The following FCHSD2 variants were observed in gnomAD, a reference collection of about 807,000 sequenced individuals.
The protein encoded by FCHSD2 is F-BAR and double SH3 domains protein 2.
FCHSD2 carries 38 observed loss-of-function variants against 108.1 expected under a neutral mutation model. That is an observed-to-expected ratio of 0.35 (90% CI 0.27 to 0.46). FCHSD2 has a LOEUF of 0.46. Ranked by LOEUF, FCHSD2 falls within the 20% of genes least tolerant of loss-of-function variation. The pLI is 1.00. For synonymous variants in FCHSD2, 279 were observed against 314.7 expected, an observed-to-expected ratio of 0.89 and a Z score of 1.20; for missense variants, 751 against 897.8, an observed-to-expected ratio of 0.84 and a Z score of 2.09.
At chr11:72,993,522 A>G (rs577160481) in intron 5 of FCHSD2, among the ~76,000 whole-genome samples, 193 of 152,362 alleles carry the variant, frequency 1.3e-3, no homozygotes, top group Non-Finnish European at 2.2e-3. Context: ...ATGTCCAACA[A>G]TGATAGACTG....
At chr11:73,096,858 A>C (rs1012436675) in intron 2 of FCHSD2, among the ~76,000 whole-genome samples, 1 of 151,392 alleles carries the variant, frequency 6.6e-6, no homozygotes, top group African/African-American at 2.4e-5. Context: ...ATTTCCTTCC[A>C]TTCCTAGTTT....
intron 3 of FCHSD2, among the ~76,000 whole-genome samples, chr11:73,066,406 C>T (rs1305824660): frequency 6.6e-6 from 1 of 152,080 alleles, no homozygotes; most frequent in Non-Finnish European, 1.5e-5. Context: ...TAGAAGAAAA[C>T]CTAGGCAATA....
At chr11:72,848,728 T>C (rs1447544824) in intron 14 of FCHSD2, among the ~76,000 whole-genome samples, 3 of 152,170 alleles carry the variant, frequency 2.0e-5, no homozygotes, top group African/African-American at 7.2e-5. Context: ...GTTGAATGAA[T>C]GTGAACTGTT....
At chr11:73,076,414 A>G (rs1859551137) in intron 3 of FCHSD2, among the ~76,000 whole-genome samples, 1 of 152,226 alleles carries the variant, frequency 6.6e-6, no homozygotes, top group Non-Finnish European at 1.5e-5. Flanking sequence ...CCTCAAAAAT[A>G]TCTGCTAAGC....
chr11:72,861,965 C>T (rs1005373531), intron 13 of FCHSD2, among the ~76,000 whole-genome samples: 2 of 151,568 alleles, frequency 1.3e-5, no homozygotes, highest in Admixed American at 1.3e-4. Context: ...TATATCATTA[C>T]CCAAGTGGGG....
At chr11:73,001,319 T>C (rs1391152809) in intron 4 of FCHSD2, among the ~76,000 whole-genome samples, 185 bp from the exon 5 acceptor site, 3 of 152,210 alleles carry the variant, frequency 2.0e-5, no homozygotes, top group Non-Finnish European at 2.9e-5. Flanking sequence ...ATTCTTCTTA[T>C]AGCTCAGCAA....
Position 72,841,600 on chromosome 11 carries a change from C to A in FCHSD2, c.1927-17G>T, listed in dbSNP as rs75772023. ...AGGAGAGATCTGCAGCAAAGGGAAG[C>A]GAGGTTACCCGGTGCTCCCCTCCAG... On this transcript the variant is annotated splice_polypyrimidine_tract_variant and intron_variant, in intron 17 of 19. Coordinates refer to ENST00000409418, the MANE Select transcript of FCHSD2 (RefSeq NM_014824.3). 3.2e-6 allele frequency: 5 copies of A among 1,581,888 alleles called. No individual in the cohort carries two copies. The African/African-American group carries it at 4.1e-5, about 13-fold the overall frequency.
chr11:73,133,659 G>A (rs1019973292), intron 2 of FCHSD2, among the ~76,000 whole-genome samples: 2 of 151,892 alleles, frequency 1.3e-5, no homozygotes, highest in Admixed American at 6.6e-5. Flanking sequence ...AGCTGGGTAC[G>A]GTGGCGGGCA....
At chr11:73,041,236 T>A (rs898203672) in intron 3 of FCHSD2, among the ~76,000 whole-genome samples, 21 of 152,208 alleles carry the variant, frequency 1.4e-4, no homozygotes, top group Non-Finnish European at 1.5e-5. Context: ...TTTCTTTGGA[T>A]AAATATCCAG....
At position 73,053,896 on chromosome 11, in the gene FCHSD2, CTTG is replaced by C. The variant is rs1173913943; in HGVS notation, c.165+29796_165+29798del. 1.1e-4 allele frequency among the ~76,000 whole-genome samples: 17 copies of C among 152,224 alleles called. No homozygotes were observed. In the East Asian group the frequency reaches 2.9e-3, roughly 26 times the overall value. ...ATTTAAATTATAGATTGAAATGTAA[CTTG>C]TTGTCTGTAATCTAAAAATTTTAAC... On this transcript the variant is annotated intron_variant, in intron 3 of 19. Coordinates refer to ENST00000409418, the MANE Select transcript of FCHSD2 (RefSeq NM_014824.3).
At chr11:73,032,456 C>T (rs1423707730) in intron 3 of FCHSD2, among the ~76,000 whole-genome samples, 1 of 152,052 alleles carries the variant, frequency 6.6e-6, no homozygotes, top group East Asian at 1.9e-4. Context: ...AAACTCCTGG[C>T]CTTAAGTGAT....
intron 2 of FCHSD2, among the ~76,000 whole-genome samples, chr11:73,115,750 T>C (rs1860588241): frequency 1.3e-5 from 2 of 152,250 alleles, no homozygotes; most frequent in African/African-American, 4.8e-5. Flanking sequence ...TGCTGCAGTC[T>C]TGAGGCAAAA....
At chr11:72,966,139 C>T (rs1354500042) in intron 8 of FCHSD2, among the ~76,000 whole-genome samples, 2 of 151,398 alleles carry the variant, frequency 1.3e-5, no homozygotes, top group African/African-American at 4.9e-5. Context: ...GGAAGATGTT[C>T]ACTTTATTAT....
chr11:72,854,437 G>A (rs2365906), intron 13 of FCHSD2, among the ~76,000 whole-genome samples: 151,005 of 152,380 alleles, frequency 0.99, 74,820 homozygotes, highest in East Asian at 1. Context: ...CTACCTATCT[G>A]TCTATCTGGT....
At chr11:72,973,604 A>T (rs1366127507) in intron 8 of FCHSD2, among the ~76,000 whole-genome samples, 1 of 152,212 alleles carries the variant, frequency 6.6e-6, no homozygotes, top group African/African-American at 2.4e-5. Context: ...TGTTGAACAT[A>T]AGGGAGATGT....
At chr11:73,073,182 G>A (rs765719818) in intron 3 of FCHSD2, among the ~76,000 whole-genome samples, 3 of 152,222 alleles carry the variant, frequency 2.0e-5, no homozygotes, top group Non-Finnish European at 4.4e-5. Flanking sequence ...GCTAATTGCA[G>A]TCAGAAGCTA....
At chr11:72,950,442 T>C (rs1258369294) in intron 8 of FCHSD2, among the ~76,000 whole-genome samples, 2 of 152,062 alleles carry the variant, frequency 1.3e-5, no homozygotes, top group Non-Finnish European at 1.5e-5. Context: ...TTTTTTTCCC[T>C]CAAAGAGTTT....
At chr11:72,870,899 CA>C (rs55827213) in intron 12 of FCHSD2, among the ~76,000 whole-genome samples, 9 of 77,024 alleles carry the variant, frequency 1.2e-4, no homozygotes, top group Admixed American at 5.4e-4. Context: ...GACTCCGTCT[CA>C]AAAAAAAAAA....
intron 8 of FCHSD2, chr11:72,940,854 T>A (rs1405119525): frequency 1.1e-6 from 1 of 916,020 alleles, no homozygotes; most frequent in Non-Finnish European, 1.8e-6. Context: ...TGAATTCTTA[T>A]TGGGTTGGTG....
Sources: gnomAD v4.1 joint callset for allele counts (sites outside exome capture counted in the v4.1 genomes callset) on GRCh38, gnomAD v4.1.1 for gene constraint, MANE v1.5 for transcripts, NCBI Gene and HGNC (gene_info 2026-07-23, HGNC 2026-07-21) for gene names.